The following PIEZO1 variants were observed in gnomAD, a reference collection of about 807,000 sequenced individuals.
PIEZO1 encodes the protein piezo type mechanosensitive ion channel component 1 (Er blood group).
A neutral mutation model predicts 297.2 loss-of-function variants in PIEZO1; 296 were observed. The observed-to-expected ratio is 1.00, with a 90% CI of 0.91 to 1.10. The LOEUF (loss-of-function observed/expected upper bound fraction) is 1.10, where lower values mean the gene tolerates loss of function less well. Among genes scored for constraint, PIEZO1 ranks in the 50% least tolerant of loss-of-function variants. The pLI, the probability that PIEZO1 is intolerant of heterozygous loss-of-function variation, is 0.00. For synonymous variants in PIEZO1, 2,427 were observed against 1,507.5 expected (o/e 1.61, Z -14.13); for missense variants, 5,018 against 3,455.5 (o/e 1.45, Z -11.34).
chr16:88,756,937 G>A (rs1228103426), intron 1 of PIEZO1, among the ~76,000 whole-genome samples: 2 of 152,042 alleles, frequency 1.3e-5, no homozygotes, highest in East Asian at 3.9e-4. Context: ...GTAGCCGGGT[G>A]TGGTGGCGGG....
intron 39 of PIEZO1, 63 bp from the exon 40 acceptor site, chr16:88,720,811 G>T: frequency 1.4e-6 from 2 of 1,435,308 alleles, no homozygotes; most frequent in Non-Finnish European, 9.1e-7. Flanking sequence ...CATGGCTCCT[G>T]ACCACCCTAA....
chr16:88,731,959 A>AGGGCGGGGCGTG (rs1555555063), intron 21 of PIEZO1, 49 bp from the exon 22 acceptor site: 4 of 64,648 alleles, frequency 6.2e-5, no homozygotes, highest in East Asian at 7.4e-4. Context: ...GTCTGGGGGG[A>AGGGCGGGGCGTG]GGGACTTTCT....
intron 1 of PIEZO1, among the ~76,000 whole-genome samples, chr16:88,767,375 C>G (rs1239154046): frequency 2.0e-5 from 3 of 152,110 alleles, no homozygotes; most frequent in African/African-American, 7.2e-5. Flanking sequence ...AAAACAGGCC[C>G]CCACAGCCCA....
Position 88,726,637 on chromosome 16 carries a change from C to G in PIEZO1, c.3706G>C (p.Ala1236Pro), listed in dbSNP as rs1302187515. Residue 1236 changes from alanine (A) to proline (P), a missense_variant, in exon 26 of 51, where the codon GCC becomes CCC. By Grantham distance (27) the Ala-to-Pro change is conservative. Transcript: ENST00000301015. ...TGCATCTGCTCCACGAAGACGCAGG[C>G]CAGGAGCTGGGGGAGAGCAGGGTCA... is the stretch of plus-strand genomic sequence containing the variant. ...IISKNMLSLL[A>P]CVFVEQMQTG... The G allele has an allele frequency of 2.1e-6, 3 of 1,441,884 alleles. No individual in the cohort carries two copies. Among genetic ancestry groups the G allele is most frequent in the African/African-American group, 2.8e-5 (2 of 70,844 alleles). 89.3% of individuals were successfully genotyped at this position (1,441,884 alleles called of 1,614,324 possible).
intron 44 of PIEZO1, 52 bp downstream of exon 44, chr16:88,719,522 G>T: frequency 6.7e-7 from 1 of 1,494,050 alleles, no homozygotes; most frequent in African/African-American, 1.4e-5. Flanking sequence ...CTGTCTTAGG[G>T]AGAGGGCATA....
intron 2 of PIEZO1, among the ~76,000 whole-genome samples, chr16:88,746,477 C>G (rs962548866): frequency 2.0e-5 from 3 of 152,192 alleles, no homozygotes; most frequent in African/African-American, 7.2e-5. Flanking sequence ...GCCCCTACCC[C>G]TCTCCTCCCT....
chr16:88,727,799 G>C, intron 22 of PIEZO1, 138 bp from the exon 23 acceptor site: 1 of 459,274 alleles, frequency 2.2e-6, no homozygotes, highest in Non-Finnish European at 3.9e-6. Flanking sequence ...GGTGTCTCGA[G>C]AACTGACAGC....
intron 5 of PIEZO1, chr16:88,739,609 G>C (rs929886400): frequency 2.0e-5 from 3 of 152,380 alleles, no homozygotes; most frequent in Admixed American, 1.3e-4. Flanking sequence ...GCCTCTCGGA[G>C]CCTATTCCCC....
In PIEZO1 at chr16:88,715,834, G is replaced by C; in HGVS notation, c.7337C>G (p.Ser2446Cys). Residue 2446 changes from serine (S) to cysteine (C), a missense_variant, in exon 51 of 51, where the codon TCC becomes TGC. Physicochemically the swap from Ser to Cys is moderately radical, Grantham distance 112. Coordinates refer to ENST00000301015, the MANE Select transcript of PIEZO1 (RefSeq NM_001142864.4). ...GAACTTGCCGATGACCAGCACGATG[G>C]ACACGTACAGCCCCATGATGCTGCG... ...AGYGIMGLYV[S>C]IVLVIGKFVR... 1 of 1,550,182 alleles carries C rather than the reference G, an allele frequency of 6.5e-7. No homozygotes were observed. Among genetic ancestry groups the C allele is most frequent in the Non-Finnish European group, 8.7e-7 (1 of 1,146,934 alleles).
intron 1 of PIEZO1, among the ~76,000 whole-genome samples, chr16:88,768,855 C>G (rs961019997): frequency 2.6e-5 from 4 of 152,222 alleles, no homozygotes; most frequent in African/African-American, 9.6e-5. Flanking sequence ...GTCCGGGGCA[C>G]AGCAGTATTG....
At chr16:88,755,105 T>C (rs1567686142) in intron 1 of PIEZO1, among the ~76,000 whole-genome samples, 1 of 152,150 alleles carries the variant, frequency 6.6e-6, no homozygotes, top group African/African-American at 2.4e-5. Context: ...GGCTGGGTGA[T>C]CTGTCCCGTA....
intron 1 of PIEZO1, among the ~76,000 whole-genome samples, chr16:88,762,743 G>A (rs1199885899): frequency 3.3e-5 from 5 of 152,204 alleles, no homozygotes; most frequent in African/African-American, 9.7e-5. Flanking sequence ...ACTGAGGCAC[G>A]GTGGGCTTAC....
chr16:88,737,794 C>G lies in PIEZO1; in HGVS notation c.1041G>C (p.Gly347=), dbSNP rs762349176. ...CTAGCTCCAGCTCCCGAGCCTCATA[C>G]CCCTTTGCCGCCTCCTTCCTCTGCA... ...PSGQRKEAAK[G]YEARELELAE... is the part of the protein sequence containing the mutation. The change falls in exon 9 of 51, where the codon GGG becomes GGC. Residue 347 remains glycine, a synonymous_variant. Transcript: ENST00000301015. The G allele has an allele frequency of 6.5e-7, 1 of 1,535,838 alleles. No homozygotes were observed.
At position 88,721,438 on chromosome 16, in the gene PIEZO1, G is replaced by A; in HGVS notation, c.5404-8C>T. ...GTCCCAGAGGCCATAGCACTGAGGG[G>A]CGGGAGGGTGTGGTGAGGGGGCCTT... On this transcript the variant is annotated splice_polypyrimidine_tract_variant and splice_region_variant and intron_variant, in intron 38 of 50. Transcript: ENST00000301015. 2 of 1,544,208 alleles carry A rather than the reference G, an allele frequency of 1.3e-6. No individual in the cohort carries two copies. The highest frequency in any genetic ancestry group is 1.8e-6 in the Non-Finnish European group (2 of 1,142,370).
At chr16:88,727,281 G>A (rs1261085047) in intron 23 of PIEZO1, 89 bp from the exon 24 acceptor site, 1 of 1,383,366 alleles carries the variant, frequency 7.2e-7, no homozygotes, top group East Asian at 2.5e-5. Flanking sequence ...CCCCAGGCCT[G>A]TCGGCGTGCA....
intron 12 of PIEZO1, 68 bp from the exon 13 acceptor site, chr16:88,735,314 A>G (rs574165564): frequency 8.9e-7 from 1 of 1,120,050 alleles, no homozygotes; most frequent in East Asian, 2.6e-5. Flanking sequence ...CGGGGGACCC[A>G]GCACCCTCCT....
Position 88,738,435 on chromosome 16 carries a change from C to T in PIEZO1, c.640G>A (p.Ala214Thr), listed in dbSNP as rs533369230. 108 of 1,535,598 alleles carry T rather than the reference C, an allele frequency of 7.0e-5. 1 individual carries two copies. In the South Asian group the frequency reaches 1.2e-3, roughly 16 times the overall value. ...ACACTGGAGAGGGCCGAGGGGTGGG[C>T]GATGCCTGCGGGGCAGGGGCACACA... ...AVTLLALAGI[A>T]HPSALSSVYL... is the part of the protein sequence containing the mutation. Residue 214 changes from alanine to threonine, a missense_variant, in exon 7 of 51, where the codon GCC becomes ACC. Transcript: ENST00000301015.
At chr16:88,783,857 C>T (rs1271925621) in intron 1 of PIEZO1, among the ~76,000 whole-genome samples, 1 of 152,256 alleles carries the variant, frequency 6.6e-6, no homozygotes, top group Non-Finnish European at 1.5e-5. Flanking sequence ...ATCCCCAAAG[C>T]TAGCGCTGGG....
intron 1 of PIEZO1, among the ~76,000 whole-genome samples, chr16:88,777,079 T>G (rs1168528658): frequency 6.6e-6 from 1 of 152,190 alleles, no homozygotes; most frequent in African/African-American, 2.4e-5. Context: ...TTCAAGTGAT[T>G]CTCCTGCCTC....
Sources: allele counts gnomAD v4.1 joint callset (sites outside exome capture counted in the v4.1 genomes callset), GRCh38; gene constraint gnomAD v4.1.1; transcripts MANE v1.5; gene names NCBI Gene and HGNC (gene_info 2026-07-23, HGNC 2026-07-21).